Variants in DNAJC13 observed in about 807,000 individuals in gnomAD.
DNAJC13 encodes DnaJ heat shock protein family (Hsp40) member C13.
DNAJC13 carries 75 observed loss-of-function variants against 290.5 expected under a neutral mutation model. The observed-to-expected ratio is 0.26, with a 90% CI of 0.21 to 0.31. The LOEUF (loss-of-function observed/expected upper bound fraction) is 0.31, where lower values mean the gene tolerates loss of function less well. Among genes scored for constraint, DNAJC13 ranks in the 10% least tolerant of loss-of-function variants. The probability of loss-of-function intolerance (pLI) is 1.00; values close to 1 mark genes in which losing one functional copy is unlikely to be tolerated. For missense variants in DNAJC13, 2,260 were observed against 2,674.5 expected, an observed-to-expected ratio of 0.85 and a Z score of 3.42; for synonymous variants, 862 against 892.0, an observed-to-expected ratio of 0.97 and a Z score of 0.60.
intron 26 of DNAJC13, among the ~76,000 whole-genome samples, chr3:132,481,993 TAAG>T (rs1279397910): frequency 3.3e-5 from 5 of 152,206 alleles, no homozygotes; most frequent in African/African-American, 1.2e-4. Context: ...AGTGTGAACT[TAAG>T]AAACCATTTA....
intron 13 of DNAJC13, among the ~76,000 whole-genome samples, chr3:132,458,756 CCCA>C (rs1315663339): frequency 6.6e-6 from 1 of 152,118 alleles, no homozygotes; most frequent in Non-Finnish European, 1.5e-5. Context: ...CTACTATGTA[CCCA>C]CAACAATTAA....
At chr3:132,495,302 GCCACAT>G in intron 35 of DNAJC13, 136 bp downstream of exon 35, 1 of 613,802 alleles carries the variant, frequency 1.6e-6, no homozygotes, top group South Asian at 3.2e-5. Flanking sequence ...TAAACTTCTG[GCCACAT>G]GCCCATAGTT....
At chr3:132,461,672 C>G (rs1275984760) in intron 15 of DNAJC13, among the ~76,000 whole-genome samples, 1 of 151,956 alleles carries the variant, frequency 6.6e-6, no homozygotes, top group East Asian at 1.9e-4. Flanking sequence ...TTTTCTATAT[C>G]TTGCTTTTTT....
rs750354990 is a variant in DNAJC13, at chr3:132,461,094, C to T, written c.1602C>T (p.Phe534=). 6.2e-7 allele frequency: 1 copy of T among 1,614,072 alleles called. No individual in the cohort carries two copies. Among genetic ancestry groups the T allele is most frequent in the East Asian group, 2.2e-5 (1 of 44,866 alleles). The change falls in exon 15 of 56, where the codon TTC becomes TTT. Residue 534 remains phenylalanine, a synonymous_variant. Transcript: ENST00000260818. The part of the protein sequence containing the change: ...GALVISSLLD[F]LTFALCAPYS... ...TAGTTATTAGTTCGCTCTTGGACTT[C>T]CTTACCTTTGCCCTCTGTGCTCCAT...
At chr3:132,523,416 T>G in intron 50 of DNAJC13, 124 bp from the exon 51 acceptor site, 1 of 1,282,748 alleles carries the variant, frequency 7.8e-7, no homozygotes, top group Non-Finnish European at 1.1e-6. Context: ...ATAAAACTCA[T>G]AATTTGATTA....
intron 51 of DNAJC13, among the ~76,000 whole-genome samples, chr3:132,524,932 C>T (rs866325037): frequency 6.6e-6 from 1 of 152,150 alleles, no homozygotes; most frequent in African/African-American, 2.4e-5. Context: ...TTTAATGAAA[C>T]TGGGAAAAAC....
chr3:132,443,415 A>G lies in DNAJC13; in HGVS notation c.69-3060A>G, dbSNP rs543383583. Among the ~76,000 whole-genome samples the G allele has an allele frequency of 4.3e-4, 65 of 152,264 alleles. 1 individual carries two copies. Among genetic ancestry groups the G allele is most frequent in the African/African-American group, 1.4e-3 (59 of 41,552 alleles). On this transcript the variant is annotated intron_variant, in intron 2 of 55. Coordinates refer to ENST00000260818, the MANE Select transcript of DNAJC13 (RefSeq NM_015268.4). ...TGATCCTCCTGCCTCGGCCTCCCAAAGTGCTGGGATTACAGGTGTGAGTCA... is the reference window on the plus strand; with the variant it reads ...TGATCCTCCTGCCTCGGCCTCCCAAGGTGCTGGGATTACAGGTGTGAGTCA...
At position 132,511,216 on chromosome 3, in the gene DNAJC13, T is replaced by G; in HGVS notation, c.5265T>G (p.Ala1755=). ...CGAGAGTAGAAATGGCTTTGGAGGCTCTGAGAAATGTCATAAAATACAATC... is the reference window on the plus strand; with the variant it reads ...CGAGAGTAGAAATGGCTTTGGAGGCGCTGAGAAATGTCATAAAATACAATC... The part of the protein sequence containing the change: ...RLPRVEMALE[A]LRNVIKYNPG... The change falls in exon 44 of 56, where the codon GCT becomes GCG. Residue 1755 remains alanine, a synonymous_variant. Transcript: ENST00000260818. 3 of 1,613,598 alleles carry G rather than the reference T, an allele frequency of 1.9e-6. No homozygotes were observed. Among genetic ancestry groups the G allele is most frequent in the Non-Finnish European group, 1.7e-6 (2 of 1,179,776 alleles).
chr3:132,455,246 G>A (rs1167104989), intron 9 of DNAJC13, among the ~76,000 whole-genome samples: 1 of 152,062 alleles, frequency 6.6e-6, no homozygotes, highest in East Asian at 1.9e-4. Context: ...AAATATGAAT[G>A]TTAATACATG....
chr3:132,532,399 G>C (rs1193108751), intron 55 of DNAJC13, among the ~76,000 whole-genome samples: 1 of 152,080 alleles, frequency 6.6e-6, no homozygotes, highest in East Asian at 1.9e-4. Flanking sequence ...CCTAAAGTTG[G>C]AGCAGAGTCC....
chr3:132,427,133 A>ATATATAT (rs1310339480), intron 1 of DNAJC13, among the ~76,000 whole-genome samples: 28 of 122,180 alleles, frequency 2.3e-4, no homozygotes, highest in African/African-American at 8.1e-4. Context: ...ATATATATAT[A>ATATATAT]TTTTTTTTTT....
At chr3:132,465,026 A>G (rs188032482) in intron 17 of DNAJC13, among the ~76,000 whole-genome samples, 4 of 152,250 alleles carry the variant, frequency 2.6e-5, no homozygotes, top group African/African-American at 7.2e-5. Flanking sequence ...GTCCCTAACT[A>G]AAGCCTTTTT....
rs1241954399 is a variant in DNAJC13 at position 132,503,284 on chromosome 3, A to C, written c.4787A>C (p.Glu1596Ala). 6.2e-7 allele frequency: 1 copy of C among 1,614,140 alleles called. No homozygotes were observed. ...LSRLGGYLAE[E>A]QATPENPTIR... ...CGCCTTGGAGGGTATTTGGCTGAAG[A>C]ACAAGCAACTCCAGAAAATCCAACC... is the stretch of plus-strand genomic sequence containing the variant. The change falls in exon 41 of 56, where the codon GAA becomes GCA. Residue 1596 changes from glutamate (E) to alanine (A), a missense_variant. Coordinates refer to ENST00000260818, the MANE Select transcript of DNAJC13 (RefSeq NM_015268.4).
Position 132,461,214 on chromosome 3 carries a change from T to G in DNAJC13, c.1713+9T>G, listed in dbSNP as rs1933784990. 6.2e-7 allele frequency: 1 copy of G among 1,613,680 alleles called. No homozygotes were observed. The highest frequency in any genetic ancestry group is 1.3e-5 in the African/African-American group (1 of 75,016). On this transcript the variant is annotated intron_variant, in intron 15 of 55. Transcript: ENST00000260818. ...TTTTTAAACTTTTTCAGGTGAGAGC[T>G]TGTATTTTTCTTGTCAGATAACAGT...
chr3:132,455,425 T>G (rs946226998), intron 9 of DNAJC13, among the ~76,000 whole-genome samples: 2 of 152,180 alleles, frequency 1.3e-5, no homozygotes, highest in Non-Finnish European at 2.9e-5. Context: ...TGAAAAACAG[T>G]TTGATAATTT....
Position 132,494,144 on chromosome 3 carries a change from G to A in DNAJC13, c.3826G>A (p.Val1276Ile), listed in dbSNP as rs770535735. Residue 1276 changes from valine to isoleucine, a missense_variant and splice_region_variant, in exon 34 of 56, where the codon GTT (valine) becomes ATT (isoleucine). By Grantham distance (29) the Val-to-Ile change is conservative (BLOSUM62 3). This residue lies in a region of DNAJC13 where 1,494 missense variants were observed against 1,693.7 expected (regional missense o/e 0.88). Transcript: ENST00000260818. ...RFPDWPIKDP[V>I]KLLKDTLDAW... Reference sequence around the variant, plus strand: ...TAAATTTTAATCTTTTGTCTTTAAGGTTAAGCTTCTAAAAGATACCCTTGA... The same window carrying A: ...TAAATTTTAATCTTTTGTCTTTAAGATTAAGCTTCTAAAAGATACCCTTGA... The A allele has an allele frequency of 6.3e-7, 1 of 1,590,650 alleles. No individual in the cohort carries two copies.
intron 45 of DNAJC13, among the ~76,000 whole-genome samples, chr3:132,513,653 C>G (rs1378016267): frequency 6.6e-6 from 1 of 152,158 alleles, no homozygotes; most frequent in South Asian, 2.1e-4. Flanking sequence ...TGCCAGAACC[C>G]ATGGGTCTTA....
chr3:132,532,307 G>T lies in DNAJC13; in HGVS notation c.6625+1210G>T, dbSNP rs560407257. On this transcript the variant is annotated intron_variant, in intron 55 of 55. Transcript: ENST00000260818. The stretch of plus-strand genomic sequence containing the variant: ...TTGAATATTCAAAATTAGAGGCTTT[G>T]GAGGAAATTTTACCTGGTTTTAATT... Among the ~76,000 whole-genome samples the T allele has an allele frequency of 6.2e-3, 939 of 152,208 alleles. 12 individuals are homozygous for T. Among genetic ancestry groups the T allele is most frequent in the African/African-American group, 0.022 (902 of 41,514 alleles).
intron 25 of DNAJC13, 26 bp downstream of exon 25, chr3:132,479,315 T>C (rs767683802): frequency 6.9e-7 from 1 of 1,456,624 alleles, no homozygotes; most frequent in South Asian, 1.2e-5. Context: ...ATACATACAT[T>C]GTTATTTCCA....
Sources: gnomAD v4.1 joint callset for allele counts (sites outside exome capture counted in the v4.1 genomes callset) on GRCh38, gnomAD v4.1.1 for gene constraint, gnomAD v4.1.1 regional missense constraint, MANE v1.5 for transcripts, NCBI Gene and HGNC (gene_info 2026-07-23, HGNC 2026-07-21) for gene names.